DLGAP2: variants seen among roughly 807,000 people sequenced by gnomAD.
The protein encoded by DLGAP2 is DLG associated protein 2.
DLGAP2 carries 26 observed loss-of-function variants against 100.3 expected under a neutral mutation model. The ratio of observed to expected loss-of-function variants is 0.26; its 90% CI spans 0.19 to 0.36. DLGAP2 has a LOEUF of 0.36. DLGAP2 is among the 10% of genes least tolerant of loss of function. The pLI is 1.00. For synonymous variants in DLGAP2, 886 were observed against 630.1 expected (o/e 1.41, Z -6.08); for missense variants, 1,858 against 1,453.2 (o/e 1.28, Z -4.53).
intron 1 of DLGAP2, among the ~76,000 whole-genome samples, chr8:776,500 T>G (rs188609781): frequency 3.3e-5 from 5 of 152,326 alleles, no homozygotes; most frequent in Admixed American, 3.3e-4. Context: ...TGCTATAAAT[T>G]TACCTCTACA....
chr8:1,315,989 C>G (rs140679266), intron 3 of DLGAP2, among the ~76,000 whole-genome samples: 1,653 of 100,714 alleles, frequency 0.016, no homozygotes, highest in Middle Eastern at 0.038. Flanking sequence ...AAAATAGAGG[C>G]TGTGCGAGTG....
intron 4 of DLGAP2, among the ~76,000 whole-genome samples, chr8:1,544,004 G>A (rs77514334): frequency 0.033 from 4,952 of 151,962 alleles, 232 homozygotes; most frequent in African/African-American, 0.1. Flanking sequence ...CCAGACTCAA[G>A]CAATCCTCCC....
At chr8:865,731 C>T (rs942805733) in intron 1 of DLGAP2, among the ~76,000 whole-genome samples, 7 of 152,192 alleles carry the variant, frequency 4.6e-5, no homozygotes, top group South Asian at 2.1e-4. Flanking sequence ...CTGTGAGCTG[C>T]GTGGATGTCT....
At chr8:1,349,084 G>A (rs1407331488) in intron 3 of DLGAP2, among the ~76,000 whole-genome samples, 42 of 151,778 alleles carry the variant, frequency 2.8e-4, no homozygotes, top group Middle Eastern at 3.4e-3. Flanking sequence ...CCTCAGCAGT[G>A]TGCTGCTCAG....
At chr8:1,182,050 C>T (rs112443148) in intron 2 of DLGAP2, among the ~76,000 whole-genome samples, 2,890 of 152,310 alleles carry the variant, frequency 0.019, 103 homozygotes, top group African/African-American at 0.065. Flanking sequence ...TGCTGCAGTG[C>T]GTAAGAGCCA....
intron 3 of DLGAP2, among the ~76,000 whole-genome samples, chr8:1,492,519 A>G (rs533391220): frequency 2.6e-5 from 4 of 152,334 alleles, no homozygotes; most frequent in Admixed American, 6.5e-5. Context: ...TTCCGGAAGC[A>G]GCTCCTGTGG....
chr8:881,312 T>G (rs756575114), intron 1 of DLGAP2, among the ~76,000 whole-genome samples: 1 of 152,188 alleles, frequency 6.6e-6, no homozygotes, highest in Non-Finnish European at 1.5e-5. Flanking sequence ...TTCCTCAGTT[T>G]TATGTAGGAC....
chr8:1,688,528 G>T (rs1468248690), intron 12 of DLGAP2: 5 of 152,200 alleles, frequency 3.3e-5, no homozygotes, highest in Non-Finnish European at 7.3e-5. Flanking sequence ...CTACAAGGTG[G>T]TCGCAGGTAA....
At chr8:1,571,664 G>T (rs1437635490) in intron 6 of DLGAP2, among the ~76,000 whole-genome samples, 1 of 123,970 alleles carries the variant, frequency 8.1e-6, no homozygotes, top group Non-Finnish European at 1.7e-5. Context: ...TGGAGAGAGA[G>T]AAGGGTGAAC....
At chr8:1,027,825 G>C (rs28537355) in intron 2 of DLGAP2, among the ~76,000 whole-genome samples, 8 of 124,570 alleles carry the variant, frequency 6.4e-5, no homozygotes, top group Admixed American at 4.8e-4. Context: ...TTCTCCAGGT[G>C]GGGTGTCAGG....
intron 1 of DLGAP2, among the ~76,000 whole-genome samples, chr8:848,213 C>G (rs1363199851): frequency 2.0e-5 from 3 of 152,204 alleles, no homozygotes; most frequent in Non-Finnish European, 4.4e-5. Context: ...ATCTATATTG[C>G]TATATGAATC....
intron 2 of DLGAP2, among the ~76,000 whole-genome samples, chr8:1,258,583 G>T (rs891953762): frequency 1.3e-5 from 2 of 151,148 alleles, no homozygotes; most frequent in African/African-American, 2.4e-5. Flanking sequence ...ATGTATCCCA[G>T]AACTTAGTAA....
chr8:1,150,933 T>A (rs1796686546), intron 2 of DLGAP2, among the ~76,000 whole-genome samples: 1 of 152,242 alleles, frequency 6.6e-6, no homozygotes. Flanking sequence ...TCTGAGATAA[T>A]CATTATTATT....
intron 1 of DLGAP2, among the ~76,000 whole-genome samples, chr8:888,603 C>G (rs1318889968): frequency 2.9e-5 from 4 of 136,942 alleles, no homozygotes; most frequent in Non-Finnish European, 6.4e-5. Context: ...TCACTTTCTG[C>G]TTTTTTTTTT....
At chr8:1,369,227 T>C (rs1318023341) in intron 3 of DLGAP2, 1 of 152,094 alleles carries the variant, frequency 6.6e-6, no homozygotes, top group Non-Finnish European at 1.5e-5. Context: ...GATAGTGTGG[T>C]TTCAACAACA....
chr8:1,175,243 T>A (rs930957398), intron 2 of DLGAP2, among the ~76,000 whole-genome samples: 2 of 151,818 alleles, frequency 1.3e-5, no homozygotes, highest in Non-Finnish European at 2.9e-5. Flanking sequence ...ATGCTTGATT[T>A]TAAAAAAAAA....
At chr8:758,599 T>A (rs1820979103) in intron 1 of DLGAP2, among the ~76,000 whole-genome samples, 1 of 152,178 alleles carries the variant, frequency 6.6e-6, no homozygotes, top group Non-Finnish European at 1.5e-5. Flanking sequence ...TCTTATTCTG[T>A]TGCCCAGGCT....
intron 1 of DLGAP2, among the ~76,000 whole-genome samples, chr8:907,117 C>T (rs1417181932): frequency 1.3e-5 from 2 of 152,150 alleles, no homozygotes; most frequent in Admixed American, 1.3e-4. Flanking sequence ...CTCTAATCAC[C>T]CTCTCTCCTG....
At position 1,641,882 on chromosome 8, in the gene DLGAP2, C is replaced by CA. The variant is rs1563275235; in HGVS notation, c.1810+8836_1810+8837insA. 4.7e-4 allele frequency among the ~76,000 whole-genome samples: 60 copies of CA among 127,214 alleles called. 1 individual carries two copies. Among genetic ancestry groups the CA allele is most frequent in the African/African-American group, 1.8e-3 (56 of 30,856 alleles). The allele number at this position is 127,214 out of a possible 152,430, so 83.5% of individuals were successfully genotyped here. On this transcript the variant is annotated intron_variant, in intron 8 of 14. Transcript: ENST00000637795. ...TGCCTCCCATACCCCTCGAACCCGC[C>CA]GGTCCTCACCTGTGTCACCCTCGAC...
Sources: gnomAD v4.1 joint callset for allele counts (sites outside exome capture counted in the v4.1 genomes callset) on GRCh38, gnomAD v4.1.1 for gene constraint, MANE v1.5 for transcripts, NCBI Gene and HGNC (gene_info 2026-07-23, HGNC 2026-07-21) for gene names.